The following AFAP1 variants were observed in gnomAD, a reference collection of about 807,000 sequenced individuals.
The protein encoded by AFAP1 is actin filament-associated protein 1.
Under a neutral mutation model 93.9 loss-of-function variants are expected in AFAP1, and 75 were observed. That is an observed-to-expected ratio of 0.80 (90% CI 0.66 to 0.97). The LOEUF (loss-of-function observed/expected upper bound fraction) is 0.97. AFAP1 is among the 50% of genes least tolerant of loss of function. AFAP1 has a pLI of 0.00. For missense variants in AFAP1, 1,201 were observed against 1,050.8 expected, an observed-to-expected ratio of 1.14 and a Z score of -1.98; for synonymous variants, 517 against 430.7, an observed-to-expected ratio of 1.20 and a Z score of -2.48.
intron 3 of AFAP1, among the ~76,000 whole-genome samples, chr4:7,856,196 A>T (rs1053433941): frequency 6.6e-6 from 1 of 152,194 alleles, no homozygotes; most frequent in Non-Finnish European, 1.5e-5. Flanking sequence ...AACAAAGTAG[A>T]AATTATTCTC....
rs778743401 is a variant in AFAP1, at chr4:7,838,585, T to C, written c.665A>G (p.Gln222Arg). 1 of 1,614,224 alleles carries C rather than the reference T, an allele frequency of 6.2e-7. No individual in the cohort carries two copies. Among genetic ancestry groups the C allele is most frequent in the East Asian group, 2.2e-5 (1 of 44,880 alleles). Residue 222 changes from glutamine (Q) to arginine (R), a missense_variant, in exon 6 of 18, where the codon CAG becomes CGG. Gln to Arg is a conservative substitution (Grantham distance 43). Transcript: ENST00000420658. ...KKKHELKITQQGTDPLVLAVQ... is the reference protein window; with the variant it reads ...KKKHELKITQRGTDPLVLAVQ... ...GGCGAGAACAAGCGGGTCCGTGCCC[T>C]GCTGAGTAATCTTCAGCTCGTGCTT...
chr4:7,803,026 G>A (rs761729755), intron 9 of AFAP1, among the ~76,000 whole-genome samples: 44 of 152,150 alleles, frequency 2.9e-4, no homozygotes, highest in Non-Finnish European at 2.1e-4. Flanking sequence ...TGGGAACCAC[G>A]TGCTCGCCAT....
At chr4:7,856,149 CTT>C (rs1253070489) in intron 3 of AFAP1, among the ~76,000 whole-genome samples, 4 of 152,178 alleles carry the variant, frequency 2.6e-5, no homozygotes, top group African/African-American at 4.8e-5. Context: ...GCTAGGAAAA[CTT>C]TAAAAAAGCA....
chr4:7,898,941 ATATATAATGTG>A (rs564098544), intron 1 of AFAP1, among the ~76,000 whole-genome samples: 138 of 150,696 alleles, frequency 9.2e-4, no homozygotes, highest in Middle Eastern at 3.5e-3. Context: ...ATATAAATGT[ATATATAATGTG>A]TATATATACA....
chr4:7,927,981 C>CAAGA (rs1720860203), intron 1 of AFAP1, among the ~76,000 whole-genome samples: 8 of 152,200 alleles, frequency 5.3e-5, no homozygotes, highest in Admixed American at 3.9e-4. Flanking sequence ...CCTAAATGCT[C>CAAGA]TTTCGTATGA....
At chr4:7,812,888 C>G (rs760357420) in intron 8 of AFAP1, among the ~76,000 whole-genome samples, 21 of 152,290 alleles carry the variant, frequency 1.4e-4, no homozygotes, top group Non-Finnish European at 2.5e-4. Context: ...GACACATTCA[C>G]AAATGATCAC....
chr4:7,893,362 C>T (rs1307284587), intron 1 of AFAP1, among the ~76,000 whole-genome samples: 6 of 152,094 alleles, frequency 3.9e-5, no homozygotes, highest in Admixed American at 1.3e-4. Context: ...GGGCGGATCA[C>T]GACGTTAGGA....
At position 7,786,217 on chromosome 4, in the gene AFAP1, C is replaced by A; in HGVS notation, c.1507G>T (p.Asp503Tyr). The change falls in exon 12 of 18, where the codon GAT becomes TAT. Residue 503 changes from aspartate to tyrosine, a missense_variant. Physicochemically the swap from Asp to Tyr is radical, Grantham distance 160. Transcript: ENST00000420658. ...ACCGAGCCGTTGATGCACGGGACAT[C>A]GTCATAATGAAGTGCCGTCCCGCTG... ...HPSGTALHYD[D>Y]VPCINGSWEP... 1 of 1,614,138 alleles carries A rather than the reference C, an allele frequency of 6.2e-7. No individual in the cohort carries two copies. The highest frequency in any genetic ancestry group is 8.5e-7 in the Non-Finnish European group (1 of 1,180,032).
intron 14 of AFAP1, chr4:7,778,446 G>C (rs985140318): frequency 2.3e-6 from 1 of 433,844 alleles, no homozygotes; most frequent in Non-Finnish European, 4.3e-6. Flanking sequence ...CAGGAGCTGA[G>C]GTCTCCTGAC....
intron 1 of AFAP1, among the ~76,000 whole-genome samples, chr4:7,921,691 C>T (rs1428203180): frequency 1.3e-5 from 2 of 152,230 alleles, no homozygotes; most frequent in Non-Finnish European, 2.9e-5. Context: ...GCATCCTATG[C>T]ACATATTCAC....
intron 11 of AFAP1, among the ~76,000 whole-genome samples, chr4:7,793,383 G>A (rs571028800): frequency 1.4e-3 from 207 of 152,286 alleles, no homozygotes; most frequent in Admixed American, 3.8e-3. Context: ...TTTATGTACG[G>A]TGTCCAGCTG....
Position 7,767,314 on chromosome 4 carries a change from G to C in AFAP1, c.2418+1530C>G, listed in dbSNP as rs146451137. Among the ~76,000 whole-genome samples, 55 of 152,312 alleles carry C rather than the reference G, an allele frequency of 3.6e-4. No individual in the cohort carries two copies. In the East Asian group the frequency reaches 9.1e-3, roughly 25 times the overall value. On this transcript the variant is annotated intron_variant, in intron 17 of 17. Transcript: ENST00000420658. ...CGGGGGGCCTGAACCTCTGTATGACGGAAGCACACACGGTGATGGGAGCCC... is the reference window on the plus strand; with the variant it reads ...CGGGGGGCCTGAACCTCTGTATGACCGAAGCACACACGGTGATGGGAGCCC...
At position 7,919,365 on chromosome 4, in the gene AFAP1, A is replaced by G. The variant is rs974875060; in HGVS notation, c.-3+20291T>C. ...GTCTGTACACTTCAGGTAGAAATGTAAAATGTCTGTGTTTTTGGAACAAGG... is the reference window on the plus strand; with the variant it reads ...GTCTGTACACTTCAGGTAGAAATGTGAAATGTCTGTGTTTTTGGAACAAGG... On this transcript the variant is annotated intron_variant, in intron 1 of 17. Coordinates refer to ENST00000420658, the MANE Select transcript of AFAP1 (RefSeq NM_001134647.2). 2.5e-4 allele frequency among the ~76,000 whole-genome samples: 38 copies of G among 152,242 alleles called. 1 individual carries two copies. The highest frequency in any genetic ancestry group is 1.5e-5 in the Non-Finnish European group (1 of 68,040).
chr4:7,831,126 T>A (rs978708759), intron 6 of AFAP1, among the ~76,000 whole-genome samples: 3 of 152,188 alleles, frequency 2.0e-5, no homozygotes, highest in African/African-American at 7.2e-5. Context: ...CTCTAAGTGT[T>A]TCTGATCTAA....
At chr4:7,866,240 A>G (rs1270074973) in intron 3 of AFAP1, among the ~76,000 whole-genome samples, 1 of 151,298 alleles carries the variant, frequency 6.6e-6, no homozygotes, top group African/African-American at 2.4e-5. Context: ...TCTGTCACCC[A>G]GGCTGTAGTG....
intron 17 of AFAP1, among the ~76,000 whole-genome samples, chr4:7,765,193 C>T (rs1332273255): frequency 6.6e-6 from 1 of 152,156 alleles, no homozygotes; most frequent in East Asian, 1.9e-4. Flanking sequence ...CCACTGGGTC[C>T]ACAGCAAAGG....
At chr4:7,874,164 G>A (rs1418745253) in intron 1 of AFAP1, among the ~76,000 whole-genome samples, 3 of 152,108 alleles carry the variant, frequency 2.0e-5, no homozygotes, top group Non-Finnish European at 4.4e-5. Context: ...CACCTAAAGA[G>A]CAAAATAAAC....
intron 6 of AFAP1, among the ~76,000 whole-genome samples, chr4:7,834,760 G>A (rs1421812565): frequency 6.6e-6 from 1 of 152,248 alleles, no homozygotes; most frequent in Admixed American, 6.5e-5. Flanking sequence ...ATGCCAAAGA[G>A]GGGGTCCCTG....
intron 4 of AFAP1, among the ~76,000 whole-genome samples, chr4:7,852,152 G>C (rs1381231525): frequency 1.3e-5 from 2 of 152,114 alleles, no homozygotes; most frequent in Non-Finnish European, 2.9e-5. Context: ...GTATCTTCTG[G>C]CACTATATGT....
Sources: gnomAD v4.1 joint callset for allele counts (sites outside exome capture counted in the v4.1 genomes callset) on GRCh38, gnomAD v4.1.1 for gene constraint, MANE v1.5 for transcripts, NCBI Gene and HGNC (gene_info 2026-07-23, HGNC 2026-07-21) for gene names.